Variants in PLA2G6 observed in about 807,000 individuals in gnomAD.
PLA2G6 encodes 85/88 kDa calcium-independent phospholipase A2.
A neutral mutation model predicts 83.8 loss-of-function variants in PLA2G6; 62 were observed. The ratio of observed to expected loss-of-function variants is 0.74; its 90% CI spans 0.60 to 0.91. PLA2G6 has a LOEUF of 0.91. Ranked by LOEUF, PLA2G6 falls within the 40% of genes least tolerant of loss-of-function variation. The pLI is 0.00. For missense variants in PLA2G6, 944 were observed against 1,102.0 expected, an observed-to-expected ratio of 0.86 and a Z score of 2.03; for synonymous variants, 417 against 449.8, an observed-to-expected ratio of 0.93 and a Z score of 0.92.
chr22:38,122,302 C>T (rs555038433), intron 11 of PLA2G6, among the ~76,000 whole-genome samples: 5 of 152,172 alleles, frequency 3.3e-5, no homozygotes, highest in Non-Finnish European at 7.3e-5. Flanking sequence ...AGCACAGGGG[C>T]AGGGGCACCA....
intron 5 of PLA2G6, chr22:38,137,689 C>A (rs2088641860): frequency 6.6e-6 from 1 of 152,168 alleles, no homozygotes; most frequent in African/African-American, 2.4e-5. Flanking sequence ...CAAAAATTAG[C>A]TGGGCATAGT....
At chr22:38,122,237 T>C (rs2087567141) in intron 11 of PLA2G6, among the ~76,000 whole-genome samples, 1 of 151,960 alleles carries the variant, frequency 6.6e-6, no homozygotes, top group South Asian at 2.1e-4. Flanking sequence ...CCTCCAAGAC[T>C]TTGCATGACC....
chr22:38,124,071 G>A (rs184023563), intron 10 of PLA2G6, among the ~76,000 whole-genome samples: 324 of 152,262 alleles, frequency 2.1e-3, no homozygotes, highest in African/African-American at 7.6e-3. Flanking sequence ...CCGACCTCAT[G>A]TGATCCGCCT....
intron 12 of PLA2G6, among the ~76,000 whole-genome samples, chr22:38,118,542 G>A (rs2087340164): frequency 6.6e-6 from 1 of 152,120 alleles, no homozygotes; most frequent in Admixed American, 6.6e-5. Flanking sequence ...TTACTATTTT[G>A]AGCATTTCTG....
At chr22:38,148,865 T>TC in intron 2 of PLA2G6, 2 of 109,176 alleles carry the variant, frequency 1.8e-5, no homozygotes, top group East Asian at 2.4e-4. Context: ...ATTTCTTTTT[T>TC]TTTTTTTTTT....
At chr22:38,117,892 C>T (rs1031466036) in intron 12 of PLA2G6, among the ~76,000 whole-genome samples, 1 of 151,798 alleles carries the variant, frequency 6.6e-6, no homozygotes, top group South Asian at 2.1e-4. Context: ...AAAAATTAGC[C>T]GGGCATGGTG....
At chr22:38,124,966 G>C (rs11570721) in intron 10 of PLA2G6, among the ~76,000 whole-genome samples, 2 of 152,198 alleles carry the variant, frequency 1.3e-5, no homozygotes, top group Non-Finnish European at 2.9e-5. Flanking sequence ...GGGAGCTACC[G>C]AGGGGTCTCC....
rs1209592559 is a variant in PLA2G6, at chr22:38,123,075, T to A, written c.1591+20A>T. ...CAGGTCTCAGCCCCGCCTGGCCCCA[T>A]CCCCAGGGGCCGCCCTCACTGTGCA... On this transcript the variant is annotated intron_variant, in intron 11 of 16. Transcript: ENST00000332509. The surrounding 1 kb of genome is among the most constrained non-coding windows in gnomAD (Gnocchi z 4.1). 11 of 1,545,612 alleles carry A rather than the reference T, an allele frequency of 7.1e-6. No homozygotes were observed. The highest frequency in any genetic ancestry group is 7.9e-6 in the Non-Finnish European group (9 of 1,145,680).
chr22:38,115,044 G>C (rs976219686), intron 14 of PLA2G6, among the ~76,000 whole-genome samples: 1 of 152,214 alleles, frequency 6.6e-6, no homozygotes, highest in East Asian at 1.9e-4. Context: ...TCTTCCTCCA[G>C]ATCACTGATT....
chr22:38,164,234 GA>G (rs1240366694), intron 2 of PLA2G6, among the ~76,000 whole-genome samples: 1 of 152,200 alleles, frequency 6.6e-6, no homozygotes, highest in Non-Finnish European at 1.5e-5. Context: ...GAAGGGCCAG[GA>G]TCAGCCCAGG....
intron 12 of PLA2G6, chr22:38,116,494 GCTGTTAT>G: frequency 1.7e-6 from 1 of 578,196 alleles, no homozygotes; most frequent in South Asian, 1.6e-5. Flanking sequence ...ATAAAACATG[GCTGTTAT>G]CTGTTATCAA....
intron 10 of PLA2G6, among the ~76,000 whole-genome samples, chr22:38,124,964 C>G (rs1602103892): frequency 1.3e-5 from 2 of 152,198 alleles, no homozygotes; most frequent in African/African-American, 4.8e-5. Flanking sequence ...TGGGGAGCTA[C>G]CGAGGGGTCT....
At chr22:38,126,605 C>A in intron 9 of PLA2G6, 156 bp from the exon 10 acceptor site, 1 of 671,592 alleles carries the variant, frequency 1.5e-6, no homozygotes, top group Admixed American at 2.1e-5. Flanking sequence ...ACAGGAAGGA[C>A]TCTGTCCCAG....
chr22:38,132,430 C>T lies in PLA2G6; in HGVS notation c.1077+401G>A, dbSNP rs924712258. ...CACTTAGACATTCTGTAGAGGGTGACCAAGTGTCCACCATAACTTTTCCAC... is the reference window on the plus strand; with the variant it reads ...CACTTAGACATTCTGTAGAGGGTGATCAAGTGTCCACCATAACTTTTCCAC... On this transcript the variant is annotated intron_variant, in intron 7 of 16. Coordinates refer to ENST00000332509, the MANE Select transcript of PLA2G6 (RefSeq NM_003560.4). The surrounding 1 kb of genome is among the most constrained non-coding windows in gnomAD (Gnocchi z 5.0). 3 of 329,142 alleles carry T rather than the reference C, an allele frequency of 9.1e-6. No individual in the cohort carries two copies. Among genetic ancestry groups the T allele is most frequent in the Middle Eastern group, 1.1e-3 (1 of 934 alleles). The allele number at this position is 329,142 out of a possible 1,614,324, so 20.4% of individuals were successfully genotyped here. A position where few individuals can be genotyped will look rare whatever the true frequency, so the allele number is the denominator to read the frequency against.
At position 38,123,110 on chromosome 22, in the gene PLA2G6, G is replaced by A. The variant is rs1166668741; in HGVS notation, c.1576C>T (p.Leu526=). The A allele has an allele frequency of 6.5e-7, 1 of 1,549,392 alleles. No homozygotes were observed. The highest frequency in any genetic ancestry group is 1.4e-5 in the African/African-American group (1 of 73,096). Residue 526 remains leucine, a synonymous_variant, in exon 11 of 17, where the codon CTG becomes TTG. Transcript: ENST00000332509. This position sits in a 1 kb window ranked among gnomAD's most constrained non-coding sequence, Gnocchi z 4.1. ...CCGCCCTCACTGTGCAGAATGGCCA[G>A]GGCCAGGATGCCTCCAGTGCTGGTG... ...AGTSTGGILA[L]AILHSKSMAY... is the part of the protein sequence containing the mutation.
chr22:38,118,753 G>GT (rs10709435), intron 12 of PLA2G6, among the ~76,000 whole-genome samples: 14,987 of 138,560 alleles, frequency 0.11, 855 homozygotes, highest in East Asian at 0.17. Flanking sequence ...GTTTGTTTTT[G>GT]TTTTTTTTTT....
chr22:38,135,977 T>G (rs1001009086), intron 5 of PLA2G6: 1 of 152,124 alleles, frequency 6.6e-6, no homozygotes, highest in Non-Finnish European at 1.5e-5. Context: ...ATAAACAAAA[T>G]AGTATTCTGC....
chr22:38,156,959 C>T (rs1338463511), intron 2 of PLA2G6, among the ~76,000 whole-genome samples: 1 of 151,986 alleles, frequency 6.6e-6, no homozygotes, highest in East Asian at 1.9e-4. Context: ...ATATCAAAAC[C>T]TGTGAGATAC....
chr22:38,180,953 G>A (rs1331367481), intron 1 of PLA2G6, among the ~76,000 whole-genome samples: 1 of 152,164 alleles, frequency 6.6e-6, no homozygotes. Context: ...CCTGTTGGGC[G>A]GGTAAGAGGC....
Sources: allele counts gnomAD v4.1 joint callset (sites outside exome capture counted in the v4.1 genomes callset), GRCh38; gene constraint gnomAD v4.1.1; non-coding constraint Gnocchi (gnomAD v3.1); transcripts MANE v1.5; gene names NCBI Gene and HGNC (gene_info 2026-07-23, HGNC 2026-07-21).